The following SGK3 variants were observed in gnomAD, a reference collection of about 807,000 sequenced individuals.
SGK3 encodes serum/glucocorticoid regulated kinase family member 3.
In SGK3, 47 loss-of-function variants were observed where a neutral mutation model predicts 68.5. The observed-to-expected ratio is 0.69, with a 90% CI of 0.54 to 0.87. The LOEUF is 0.87. Among genes scored for constraint, SGK3 ranks in the 40% least tolerant of loss-of-function variants. The pLI is 0.00. For synonymous variants in SGK3, 181 were observed against 189.1 expected, an observed-to-expected ratio of 0.96 and a Z score of 0.35; for missense variants, 479 against 575.5, an observed-to-expected ratio of 0.83 and a Z score of 1.72.
chr8:66,795,699 A>G (rs1386796852), intron 2 of SGK3, among the ~76,000 whole-genome samples: 4 of 152,128 alleles, frequency 2.6e-5, no homozygotes, highest in Non-Finnish European at 5.9e-5. Flanking sequence ...TAGGCTGTGC[A>G]CTGAGTTCTC....
chr8:66,723,217 G>A (rs1162495487), intron 1 of SGK3, among the ~76,000 whole-genome samples: 1 of 144,292 alleles, frequency 6.9e-6, no homozygotes, highest in Non-Finnish European at 1.5e-5. Context: ...AGGCTGAGGC[G>A]GGTGGATCAC....
intron 7 of SGK3, among the ~76,000 whole-genome samples, chr8:66,829,073 G>A (rs1809190763): frequency 6.6e-6 from 1 of 151,816 alleles, no homozygotes; most frequent in Non-Finnish European, 1.5e-5. Context: ...CACCCTTGCA[G>A]GCCTAATTGA....
chr8:66,744,526 T>TGTTTG (rs1554593811), intron 1 of SGK3, among the ~76,000 whole-genome samples: 1 of 100,036 alleles, frequency 1.0e-5, no homozygotes, highest in African/African-American at 4.3e-5. Context: ...TATATTTTTT[T>TGTTTG]TTTTTTTTTT....
chr8:66,808,399 T>C (rs189515616), intron 4 of SGK3, among the ~76,000 whole-genome samples: 140 of 152,262 alleles, frequency 9.2e-4, no homozygotes, highest in Non-Finnish European at 1.6e-3. Flanking sequence ...CATTCATTAG[T>C]GTTATATGGC....
At chr8:66,752,871 C>T (rs1449338935) in intron 1 of SGK3, among the ~76,000 whole-genome samples, 2 of 151,902 alleles carry the variant, frequency 1.3e-5, no homozygotes, top group African/African-American at 2.4e-5. Context: ...TTTTTAGAGA[C>T]AGGGTCTCAC....
At chr8:66,845,828 G>A (rs929925711) in intron 14 of SGK3, among the ~76,000 whole-genome samples, 11 of 151,842 alleles carry the variant, frequency 7.2e-5, no homozygotes, top group Non-Finnish European at 1.6e-4. Flanking sequence ...GAAGTGCTGG[G>A]ATTTCCAGTG....
chr8:66,787,763 G>A (rs536299274), intron 1 of SGK3, among the ~76,000 whole-genome samples: 124 of 152,322 alleles, frequency 8.1e-4, no homozygotes, highest in Middle Eastern at 6.8e-3. Context: ...TTCACATTCT[G>A]TGCTGTAGTG....
chr8:66,773,952 G>C (rs1191442598), intron 1 of SGK3, among the ~76,000 whole-genome samples: 1 of 152,202 alleles, frequency 6.6e-6, no homozygotes, highest in Non-Finnish European at 1.5e-5. Flanking sequence ...TTACAAACAG[G>C]AAAGTTGTAA....
At chr8:66,837,304 G>T (rs1809577580) in intron 10 of SGK3, among the ~76,000 whole-genome samples, 1 of 152,084 alleles carries the variant, frequency 6.6e-6, no homozygotes, top group Non-Finnish European at 1.5e-5. Flanking sequence ...TTTACAAAGG[G>T]ATCTTTCATT....
chr8:66,757,674 G>T (rs190061811), intron 1 of SGK3, among the ~76,000 whole-genome samples: 2 of 151,544 alleles, frequency 1.3e-5, no homozygotes, highest in Non-Finnish European at 2.9e-5. Context: ...CAGCACTTTG[G>T]GGGGCTGAGG....
chr8:66,840,562 A>G, intron 12 of SGK3: 1 of 279,282 alleles, frequency 3.6e-6, no homozygotes, highest in Non-Finnish European at 6.7e-6. Context: ...CAAGGTTGAC[A>G]GTCTGGTTAA....
intron 6 of SGK3, among the ~76,000 whole-genome samples, chr8:66,826,520 C>T (rs1482314563): frequency 1.3e-5 from 2 of 152,072 alleles, no homozygotes; most frequent in African/African-American, 4.8e-5. Flanking sequence ...TAAAACTATG[C>T]CGCAACAGGA....
At chr8:66,840,380 T>A in intron 12 of SGK3, 133 bp downstream of exon 12, 1 of 922,774 alleles carries the variant, frequency 1.1e-6, no homozygotes, top group Non-Finnish European at 1.6e-6. Context: ...GACAAAACGG[T>A]AGGGATGGAG....
At chr8:66,833,052 G>A (rs142817773) in intron 8 of SGK3, among the ~76,000 whole-genome samples, 215 of 151,222 alleles carry the variant, frequency 1.4e-3, no homozygotes, top group Non-Finnish European at 2.5e-3. Flanking sequence ...AGCCTGGAGT[G>A]CAGAGTGCAA....
chr8:66,775,309 G>A (rs1806657157), intron 1 of SGK3: 1 of 152,376 alleles, frequency 6.6e-6, no homozygotes, highest in African/African-American at 2.4e-5. Flanking sequence ...GCCGGGGGTG[G>A]GTGCCCGAAG....
intron 1 of SGK3, among the ~76,000 whole-genome samples, chr8:66,739,027 A>G (rs1262049722): frequency 6.6e-6 from 1 of 152,058 alleles, no homozygotes; most frequent in Admixed American, 6.6e-5. Flanking sequence ...CTGTGTTCCC[A>G]CTGTCCCACC....
At chr8:66,714,032 C>T (rs112165037) in intron 1 of SGK3, among the ~76,000 whole-genome samples, 2 of 152,174 alleles carry the variant, frequency 1.3e-5, no homozygotes, top group Admixed American at 6.6e-5. Flanking sequence ...TGCCGTTGTG[C>T]CCATCGGCTA....
chr8:66,793,983 T>G, intron 2 of SGK3, 151 bp downstream of exon 2: 1 of 805,448 alleles, frequency 1.2e-6, no homozygotes, highest in Non-Finnish European at 1.9e-6. Flanking sequence ...CCACAAAGTC[T>G]TCTGTGGCTA....
intron 1 of SGK3, among the ~76,000 whole-genome samples, chr8:66,764,431 A>G (rs543685029): frequency 2.2e-4 from 34 of 152,222 alleles, no homozygotes; most frequent in Admixed American, 9.8e-4. Flanking sequence ...ATAAAATTAT[A>G]TTGTACCTTT....
Sources: allele counts gnomAD v4.1 joint callset (sites outside exome capture counted in the v4.1 genomes callset), GRCh38; gene constraint gnomAD v4.1.1; transcripts MANE v1.5; gene names NCBI Gene and HGNC (gene_info 2026-07-23, HGNC 2026-07-21).